The following MYO3A variants were observed in gnomAD, a reference collection of about 807,000 sequenced individuals.
MYO3A encodes the protein myosin-IIIa.
A neutral mutation model predicts 192.7 loss-of-function variants in MYO3A; 180 were observed. The observed-to-expected ratio is 0.93, with a 90% confidence interval of 0.83 to 1.06. The LOEUF is 1.06. Among genes scored for constraint, MYO3A ranks in the 50% least tolerant of loss-of-function variants. MYO3A has a pLI of 0.00. For missense variants in MYO3A, 1,896 were observed against 1,905.0 expected (o/e 1.00, Z 0.09); for synonymous variants, 628 against 645.3 (o/e 0.97, Z 0.41).
chr10:26,020,563 A>G (rs546063579), intron 7 of MYO3A, among the ~76,000 whole-genome samples: 2 of 152,310 alleles, frequency 1.3e-5, no homozygotes, highest in South Asian at 2.1e-4. Context: ...AAATGACACA[A>G]TTCTACATCT....
chr10:26,143,337 A>C (rs1017341898), intron 20 of MYO3A, 111 bp from the exon 21 acceptor site: 7 of 1,162,972 alleles, frequency 6.0e-6, no homozygotes, highest in Non-Finnish European at 7.4e-6. Context: ...TCACAAAAAA[A>C]GCAAGGTCAA....
At position 25,942,062 on chromosome 10, in the gene MYO3A, C is replaced by G. The variant is rs371308506; in HGVS notation, c.-18+6232C>G. The stretch of plus-strand genomic sequence containing the variant: ...TGTCGCACAGGCTGTAATGCAGTGG[C>G]ATGAGTTCAGATCACTGCAATCTCT... On this transcript the variant is annotated intron_variant, in intron 2 of 34. Transcript: ENST00000642920. 3.3e-4 allele frequency among the ~76,000 whole-genome samples: 50 copies of G among 150,392 alleles called. 1 individual carries two copies. The highest frequency in any genetic ancestry group is 5.3e-4 in the Admixed American group (8 of 15,052).
At chr10:26,079,062 T>C (rs1453323839) in intron 14 of MYO3A, among the ~76,000 whole-genome samples, 1 of 152,176 alleles carries the variant, frequency 6.6e-6, no homozygotes, top group Non-Finnish European at 1.5e-5. Context: ...CCATTGTTTC[T>C]TTGTTGACTT....
chr10:25,969,922 AG>A, intron 4 of MYO3A, among the ~76,000 whole-genome samples: 1 of 152,234 alleles, frequency 6.6e-6, no homozygotes, highest in Non-Finnish European at 1.5e-5. Context: ...TTTTAATATA[AG>A]GCAAGGTAAC....
chr10:26,018,761 G>A (rs1369325169), intron 7 of MYO3A, among the ~76,000 whole-genome samples: 1 of 152,140 alleles, frequency 6.6e-6, no homozygotes, highest in Non-Finnish European at 1.5e-5. Context: ...AAACAAGAAT[G>A]TCTAAGGCAA....
intron 9 of MYO3A, among the ~76,000 whole-genome samples, chr10:26,025,845 A>G (rs932745296): frequency 6.6e-6 from 1 of 152,216 alleles, no homozygotes; most frequent in Non-Finnish European, 1.5e-5. Context: ...TGACCTCAAA[A>G]AATACATATT....
intron 4 of MYO3A, among the ~76,000 whole-genome samples, chr10:25,973,392 G>A (rs999713870): frequency 2.9e-4 from 44 of 152,160 alleles, no homozygotes; most frequent in African/African-American, 1.0e-3. Flanking sequence ...CCAAGACGAT[G>A]GGGTTTTCTA....
intron 17 of MYO3A, among the ~76,000 whole-genome samples, chr10:26,105,072 G>A (rs1354214514): frequency 6.6e-6 from 1 of 152,072 alleles, no homozygotes; most frequent in Non-Finnish European, 1.5e-5. Flanking sequence ...GTAGTATAAT[G>A]TTCCACAGTG....
intron 26 of MYO3A, among the ~76,000 whole-genome samples, chr10:26,161,719 T>G (rs558543772): frequency 5.3e-5 from 8 of 152,336 alleles, no homozygotes; most frequent in African/African-American, 1.7e-4. Context: ...TATATATGGA[T>G]TTTATTGATA....
chr10:26,039,454 G>A (rs1684778683), intron 10 of MYO3A, among the ~76,000 whole-genome samples: 1 of 151,902 alleles, frequency 6.6e-6, no homozygotes, highest in African/African-American at 2.4e-5. Flanking sequence ...ATAGTTTGAG[G>A]AGGATTGGCA....
chr10:26,143,627 C>T (rs1433597494), intron 21 of MYO3A, 26 bp downstream of exon 21: 1 of 1,612,412 alleles, frequency 6.2e-7, no homozygotes, highest in Non-Finnish European at 8.5e-7. Flanking sequence ...AGTGTGTCTG[C>T]ATGGTTTTAT....
intron 29 of MYO3A, among the ~76,000 whole-genome samples, chr10:26,171,497 C>T (rs1842044498): frequency 6.6e-6 from 1 of 152,174 alleles, no homozygotes; most frequent in Non-Finnish European, 1.5e-5. Context: ...CTCACCTTCA[C>T]CCACACATTC....
intron 15 of MYO3A, among the ~76,000 whole-genome samples, chr10:26,093,178 T>C (rs1349513654): frequency 6.6e-6 from 1 of 152,218 alleles, no homozygotes; most frequent in Admixed American, 6.5e-5. Flanking sequence ...ACAATTAGTG[T>C]ACATTGTGAA....
intron 17 of MYO3A, among the ~76,000 whole-genome samples, chr10:26,119,779 T>C (rs931388602): frequency 6.6e-6 from 1 of 152,174 alleles, no homozygotes; most frequent in Non-Finnish European, 1.5e-5. Flanking sequence ...GTGTTATGTG[T>C]TTCTGAATGT....
Position 26,211,886 on chromosome 10 carries a change from C to G in MYO3A, c.4774C>G (p.Pro1592Ala). The G allele has an allele frequency of 6.2e-7, 1 of 1,614,022 alleles. No individual in the cohort carries two copies. Among genetic ancestry groups the G allele is most frequent in the Non-Finnish European group, 8.5e-7 (1 of 1,180,004 alleles). ...ESPEKEEERE[P>A]AANPYDFRRL... ...CCCCGAGAAGGAGGAGGAGAGAGAG[C>G]CAGCAGCCAACCCCTACGACTTCAG... The change falls in exon 35 of 35, where the codon CCA becomes GCA. Residue 1592 changes from proline (P) to alanine (A), a missense_variant. Transcript: ENST00000642920.
At chr10:26,134,567 C>A (rs1486377489) in intron 20 of MYO3A, among the ~76,000 whole-genome samples, 1 of 151,994 alleles carries the variant, frequency 6.6e-6, no homozygotes, top group East Asian at 1.9e-4. Context: ...CATGATGAAG[C>A]TTAACAATTG....
intron 6 of MYO3A, among the ~76,000 whole-genome samples, chr10:26,008,828 C>T (rs1246483826): frequency 6.6e-6 from 1 of 151,912 alleles, no homozygotes; most frequent in Non-Finnish European, 1.5e-5. Flanking sequence ...GGCGATTCCT[C>T]AGGGATCTAG....
Position 26,173,844 on chromosome 10 carries a change from A to C in MYO3A, c.3580A>C (p.Asn1194His). The C allele has an allele frequency of 1.2e-6, 2 of 1,614,078 alleles. No individual in the cohort carries two copies. Among genetic ancestry groups the C allele is most frequent in the South Asian group, 2.2e-5 (2 of 91,078 alleles). The change falls in exon 30 of 35, where the codon AAT becomes CAT. Residue 1194 changes from asparagine (N) to histidine (H), a missense_variant. Physicochemically the swap from Asn to His is moderately conservative, Grantham distance 68. Transcript: ENST00000642920. Reference sequence around the variant, plus strand: ...GTATCAGACTCCAAAAAAAATGAATAATGTGTATGAGGAAGAGGTTAAGCA... The same window carrying C: ...GTATCAGACTCCAAAAAAAATGAATCATGTGTATGAGGAAGAGGTTAAGCA... ...RVYQTPKKMN[N>H]VYEEEVKQEF...
Position 26,116,842 on chromosome 10 carries a change from C to T in MYO3A, c.1777-3834C>T, listed in dbSNP as rs566169071. Among the ~76,000 whole-genome samples, 3 of 152,304 alleles carry T rather than the reference C, an allele frequency of 2.0e-5. No individual in the cohort carries two copies. In the South Asian group the frequency reaches 6.2e-4, roughly 32 times the overall value. On this transcript the variant is annotated intron_variant, in intron 17 of 34. Coordinates refer to ENST00000642920, the MANE Select transcript of MYO3A (RefSeq NM_017433.5). ...CCCTACTCCATAGATGCCAGTAGCA[C>T]TCCAACCCCATTTGTAACAACCAAA...
Sources: gnomAD v4.1 joint callset for allele counts (sites outside exome capture counted in the v4.1 genomes callset) on GRCh38, gnomAD v4.1.1 for gene constraint, MANE v1.5 for transcripts, NCBI Gene and HGNC (gene_info 2026-07-23, HGNC 2026-07-21) for gene names.